Variants in SLC6A12 observed in about 807,000 individuals in gnomAD.
SLC6A12 encodes sodium- and chloride-dependent betaine transporter.
Under a neutral mutation model 73.3 loss-of-function variants are expected in SLC6A12, and 50 were observed. The observed-to-expected ratio is 0.68, with a 90% CI of 0.54 to 0.86. SLC6A12 has a LOEUF of 0.86. SLC6A12 is among the 40% of genes least tolerant of loss of function. SLC6A12 has a pLI of 0.00. For synonymous variants in SLC6A12, 304 were observed against 309.2 expected (o/e 0.98, Z 0.18); for missense variants, 648 against 772.8 (o/e 0.84, Z 1.92).
chr12:200,178 G>T (rs1050378624), intron 7 of SLC6A12, among the ~76,000 whole-genome samples: 5 of 144,250 alleles, frequency 3.5e-5, no homozygotes, highest in South Asian at 2.2e-4. Flanking sequence ...GCGCTATCTC[G>T]GCTCACTGCA....
Position 200,666 on chromosome 12 carries a change from G to C in SLC6A12, c.696C>G (p.Val232=). Residue 232 remains valine, a synonymous_variant, in exon 7 of 16, where the codon GTC becomes GTG. Coordinates refer to ENST00000684302, the MANE Select transcript of SLC6A12 (RefSeq NM_001122848.3). ...VICYFCIWKG[V]KSTGKVVYFT... is the part of the protein sequence containing the mutation. ...GACATCTCACCTTGCCTGTGGACTTGACCCCCTTCCAGATGCAGAAATAGC... is the reference window on the plus strand; with the variant it reads ...GACATCTCACCTTGCCTGTGGACTTCACCCCCTTCCAGATGCAGAAATAGC... 1 of 1,614,126 alleles carries C rather than the reference G, an allele frequency of 6.2e-7. No homozygotes were observed. The highest frequency in any genetic ancestry group is 8.5e-7 in the Non-Finnish European group (1 of 1,180,016).
At chr12:210,433 G>A (rs1007476726) in intron 2 of SLC6A12, 20 of 1,045,884 alleles carry the variant, frequency 1.9e-5, no homozygotes, top group Non-Finnish European at 2.3e-5. Flanking sequence ...GGTCAGAAGG[G>A]ATCAAAGCCT....
At chr12:200,382 A>T (rs763805182) in intron 7 of SLC6A12, among the ~76,000 whole-genome samples, 1 of 152,178 alleles carries the variant, frequency 6.6e-6, no homozygotes, top group Non-Finnish European at 1.5e-5. Context: ...TGCTGGGATT[A>T]CAGGCGTGAG....
At chr12:188,538 G>A (rs1238407834), downstream of SLC6A12, among the ~76,000 whole-genome samples, 2 of 152,224 alleles carry the variant, frequency 1.3e-5, no homozygotes, top group Admixed American at 6.5e-5. Flanking sequence ...GCAGCGGGGG[G>A]CTGAAGGGCT....
At chr12:187,654 CT>C (rs1939461227), downstream of SLC6A12, among the ~76,000 whole-genome samples, 1 of 143,846 alleles carries the variant, frequency 7.0e-6, no homozygotes, top group Non-Finnish European at 1.5e-5. Context: ...ACAGCACCCA[CT>C]GCACACAACG....
At position 199,257 on chromosome 12, in the gene SLC6A12, G is replaced by A. The variant is rs145011904; in HGVS notation, c.712-326C>T. ...ATTTTTAGTCAACATGTACGTATGT[G>A]CATAATCTGTACATATTTATGAAAA... On this transcript the variant is annotated intron_variant, in intron 7 of 15. Coordinates refer to ENST00000684302, the MANE Select transcript of SLC6A12 (RefSeq NM_001122848.3). Among the ~76,000 whole-genome samples the A allele has an allele frequency of 2.9e-3, 446 of 152,322 alleles. 1 individual carries two copies. Among genetic ancestry groups the A allele is most frequent in the African/African-American group, 9.7e-3 (405 of 41,562 alleles).
At chr12:209,329 C>T (rs890728395) in intron 3 of SLC6A12, among the ~76,000 whole-genome samples, 8 of 152,310 alleles carry the variant, frequency 5.3e-5, no homozygotes, top group South Asian at 4.2e-4. Flanking sequence ...CACGCGGAAC[C>T]GTTTGTCCGC....
chr12:199,148 TGGGGA>T, intron 7 of SLC6A12: 1 of 286,096 alleles, frequency 3.5e-6, no homozygotes. Flanking sequence ...AGGGGGAGGG[TGGGGA>T]GGGGAGGAGG....
At chr12:204,746 C>T in intron 3 of SLC6A12, 48 bp from the exon 4 acceptor site, 1 of 1,605,938 alleles carries the variant, frequency 6.2e-7, no homozygotes, top group Non-Finnish European at 8.5e-7. Flanking sequence ...GGCTCTTCCT[C>T]AGCCTCCATC....
the SLC6A12 span, among the ~76,000 whole-genome samples, chr12:184,058 C>T: frequency 6.6e-6 from 1 of 151,964 alleles, no homozygotes; most frequent in Non-Finnish European, 1.5e-5. Context: ...AAATTCTAAA[C>T]ACAATATTAG....
intron 13 of SLC6A12, among the ~76,000 whole-genome samples, chr12:194,297 G>A (rs567052710): frequency 2.2e-4 from 33 of 152,354 alleles, no homozygotes; most frequent in Non-Finnish European, 4.4e-4. Flanking sequence ...AGGAAGGAAC[G>A]TCTCCATGGA....
At chr12:197,108 T>TCTAC (rs1939915140) in intron 10 of SLC6A12, among the ~76,000 whole-genome samples, 2 of 61,386 alleles carry the variant, frequency 3.3e-5, no homozygotes, top group African/African-American at 1.3e-4. Flanking sequence ...CATCCATCCA[T>TCTAC]CCATCCATCC....
chr12:206,470 G>A (rs78740546), intron 3 of SLC6A12, among the ~76,000 whole-genome samples: 2,129 of 152,314 alleles, frequency 0.014, 31 homozygotes, highest in African/African-American at 0.048. Flanking sequence ...CTGTTTATCT[G>A]TTCATCTGTT....
intron 3 of SLC6A12, among the ~76,000 whole-genome samples, chr12:209,103 T>C (rs896267791): frequency 1.3e-5 from 2 of 152,050 alleles, no homozygotes; most frequent in Non-Finnish European, 2.9e-5. Context: ...TCCTCACTGC[T>C]CCTCAGACAG....
At chr12:186,594 G>A (rs960603295), downstream of SLC6A12, among the ~76,000 whole-genome samples, 43 of 152,202 alleles carry the variant, frequency 2.8e-4, no homozygotes, top group Non-Finnish European at 5.4e-4. Flanking sequence ...TCCACGCAGT[G>A]TATTCACCTT....
chr12:198,865 G>T lies in SLC6A12; in HGVS notation c.778C>A (p.Leu260Ile). The change falls in exon 8 of 16, where the codon CTT (leucine) becomes ATT (isoleucine). Residue 260 changes from leucine (L) to isoleucine (I), a missense_variant. Leu to Ile is a conservative substitution (Grantham distance 5). Coordinates refer to ENST00000684302, the MANE Select transcript of SLC6A12 (RefSeq NM_001122848.3). This position sits in a 1 kb window ranked among gnomAD's most constrained non-coding sequence, Gnocchi z 4.0. The stretch of plus-strand genomic sequence containing the variant: ...ATGATGCCCTGGTAGGCTCCGGGAA[G>T]GGTGACACCTCTGATCAGCAAAATG... ...LVILLIRGVTLPGAYQGIIYY... is the reference protein window; with the variant it reads ...LVILLIRGVTIPGAYQGIIYY... The T allele has an allele frequency of 6.2e-7, 1 of 1,614,142 alleles. No homozygotes were observed. The highest frequency in any genetic ancestry group is 8.5e-7 in the Non-Finnish European group (1 of 1,179,982).
intron 6 of SLC6A12, 180 bp downstream of exon 6, chr12:201,582 G>A (rs1940266502): frequency 1.7e-6 from 1 of 604,584 alleles, no homozygotes; most frequent in Non-Finnish European, 3.0e-6. Context: ...GTGGACCCGT[G>A]TGGGTAGATG....
At chr12:186,581 A>G (rs891421682), downstream of SLC6A12, among the ~76,000 whole-genome samples, 2 of 152,154 alleles carry the variant, frequency 1.3e-5, no homozygotes, top group African/African-American at 4.8e-5. Flanking sequence ...GGGAGGATAC[A>G]TTTCCACGCA....
In SLC6A12 at chr12:213,711, G is replaced by T. The variant is rs1360586094; in HGVS notation, c.-143+211C>A. On this transcript the variant is annotated intron_variant, in intron 1 of 15. Transcript: ENST00000684302. This position sits in a 1 kb window ranked among gnomAD's most constrained non-coding sequence, Gnocchi z 5.3. ...AGGCTAATCACTGAGCTGCTCCCACGCTGGATGGGGCGGAGCTAGGGGGCA... is the reference window on the plus strand; with the variant it reads ...AGGCTAATCACTGAGCTGCTCCCACTCTGGATGGGGCGGAGCTAGGGGGCA... 1 of 152,564 alleles carries T rather than the reference G, an allele frequency of 6.6e-6. No homozygotes were observed. Among genetic ancestry groups the T allele is most frequent in the Non-Finnish European group, 1.5e-5 (1 of 68,334 alleles). The allele number at this position is 152,564 out of a possible 1,614,324, so 9.5% of individuals were successfully genotyped here.
Sources: gnomAD v4.1 joint callset for allele counts (sites outside exome capture counted in the v4.1 genomes callset) on GRCh38, gnomAD v4.1.1 for gene constraint, Gnocchi (gnomAD v3.1) non-coding constraint, MANE v1.5 for transcripts, NCBI Gene and HGNC (gene_info 2026-07-23, HGNC 2026-07-21) for gene names.